Variants in DTD1 observed in about 807,000 individuals in gnomAD.
DTD1 encodes the protein D-tyrosyl-tRNA deacylase 1 homolog.
A neutral mutation model predicts 25.6 loss-of-function variants in DTD1; 13 were observed. The observed-to-expected ratio is 0.51, with a 90% CI of 0.33 to 0.81. The LOEUF (loss-of-function observed/expected upper bound fraction) is 0.81, where lower values mean the gene tolerates loss of function less well. Among genes scored for constraint, DTD1 ranks in the 30% least tolerant of loss-of-function variants. DTD1 has a pLI of 0.02. For synonymous variants in DTD1, 110 were observed against 103.6 expected, an observed-to-expected ratio of 1.06 and a Z score of -0.37; for missense variants, 193 against 266.4, an observed-to-expected ratio of 0.72 and a Z score of 1.92.
At chr20:18,705,630 TCA>T (rs545010530) in intron 4 of DTD1, among the ~76,000 whole-genome samples, 164 of 152,072 alleles carry the variant, frequency 1.1e-3, no homozygotes, top group African/African-American at 3.7e-3. Flanking sequence ...GATGGTGAGC[TCA>T]GAGGCAGAGG....
At chr20:18,752,393 T>C (rs2061324328) in intron 5 of DTD1, among the ~76,000 whole-genome samples, 1 of 152,186 alleles carries the variant, frequency 6.6e-6, no homozygotes, top group Non-Finnish European at 1.5e-5. Context: ...TTTTTCTCTT[T>C]GTTTTTGGTT....
At chr20:18,631,386 G>C in intron 4 of DTD1, 1 of 985,714 alleles carries the variant, frequency 1.0e-6, no homozygotes, top group Non-Finnish European at 1.2e-6. Context: ...AGACTGACCT[G>C]GGCTTTGGAG....
intron 4 of DTD1, among the ~76,000 whole-genome samples, chr20:18,717,943 A>C (rs2061187865): frequency 6.6e-6 from 1 of 152,230 alleles, no homozygotes; most frequent in South Asian, 2.1e-4. Flanking sequence ...CCAGGATTAA[A>C]GATTTAGAAT....
intron 2 of DTD1, 117 bp from the exon 3 acceptor site, chr20:18,595,889 G>A: frequency 1.2e-6 from 1 of 828,900 alleles, no homozygotes; most frequent in Non-Finnish European, 2.0e-6. Flanking sequence ...TCCTGTCAGG[G>A]ATGGAGTCAT....
chr20:18,662,755 T>A (rs2060916230), intron 4 of DTD1, among the ~76,000 whole-genome samples: 1 of 152,184 alleles, frequency 6.6e-6, no homozygotes, highest in Non-Finnish European at 1.5e-5. Flanking sequence ...CCCTCCTTTT[T>A]TTTTTGTTCC....
At chr20:18,746,464 G>A (rs927901575) in intron 5 of DTD1, among the ~76,000 whole-genome samples, 5 of 152,108 alleles carry the variant, frequency 3.3e-5, no homozygotes, top group African/African-American at 1.2e-4. Flanking sequence ...TTGGGAGGTT[G>A]AAGTGAGAGA....
At chr20:18,676,766 A>T (rs556653982) in intron 4 of DTD1, among the ~76,000 whole-genome samples, 2 of 152,248 alleles carry the variant, frequency 1.3e-5, no homozygotes, top group South Asian at 4.1e-4. Context: ...ATCTGTTCTC[A>T]GCTCTGCCGC....
chr20:18,628,988 ATTTTTTTTTTTT>A (rs10594706), intron 4 of DTD1, among the ~76,000 whole-genome samples: 2 of 71,536 alleles, frequency 2.8e-5, no homozygotes, highest in East Asian at 4.2e-4. Flanking sequence ...TCAAAGCCTG[ATTTTTTTTTTTT>A]TTTTTTTTTT....
At chr20:18,668,266 G>C (rs1397531224) in intron 4 of DTD1, among the ~76,000 whole-genome samples, 3 of 152,208 alleles carry the variant, frequency 2.0e-5, no homozygotes, top group African/African-American at 7.2e-5. Context: ...CATGAGTGCT[G>C]AGTGCTACCT....
intron 3 of DTD1, among the ~76,000 whole-genome samples, chr20:18,612,283 C>T (rs1380994178): frequency 6.6e-6 from 1 of 152,074 alleles, no homozygotes; most frequent in African/African-American, 2.4e-5. Context: ...ATCCGCCCGC[C>T]TCGGCCTCCC....
chr20:18,743,749 A>G (rs1346624845), intron 4 of DTD1, among the ~76,000 whole-genome samples: 4 of 152,118 alleles, frequency 2.6e-5, no homozygotes, highest in Non-Finnish European at 4.4e-5. Context: ...GAGAAAAAAA[A>G]CTATCAAAGA....
At chr20:18,756,929 A>G (rs1163509472) in intron 5 of DTD1, among the ~76,000 whole-genome samples, 2 of 147,386 alleles carry the variant, frequency 1.4e-5, no homozygotes, top group African/African-American at 5.0e-5. Context: ...ATTTGTTTTT[A>G]TCCTCTTTTA....
intron 4 of DTD1, among the ~76,000 whole-genome samples, chr20:18,665,059 C>T (rs1030007133): frequency 2.0e-5 from 3 of 152,128 alleles, no homozygotes; most frequent in African/African-American, 7.2e-5. Context: ...TATCTCGGAC[C>T]ATTTTATAAT....
At chr20:18,683,049 A>G (rs2061003460) in intron 4 of DTD1, among the ~76,000 whole-genome samples, 1 of 152,244 alleles carries the variant, frequency 6.6e-6, no homozygotes, top group African/African-American at 2.4e-5. Context: ...TTCTTTAATC[A>G]GAGTTTTCCT....
intron 4 of DTD1, among the ~76,000 whole-genome samples, chr20:18,692,377 CT>C (rs1382449722): frequency 3.3e-5 from 5 of 152,248 alleles, no homozygotes; most frequent in Admixed American, 6.5e-5. Flanking sequence ...CACAAGCTCT[CT>C]GTATCTCTGC....
chr20:18,614,005 C>T (rs975095392), intron 3 of DTD1, among the ~76,000 whole-genome samples: 1 of 152,176 alleles, frequency 6.6e-6, no homozygotes, highest in Non-Finnish European at 1.5e-5. Context: ...ACAGTTTCGC[C>T]ATGTTGCCCA....
intron 4 of DTD1, among the ~76,000 whole-genome samples, chr20:18,633,395 G>A (rs2060795991): frequency 1.3e-5 from 2 of 152,090 alleles, no homozygotes; most frequent in South Asian, 4.1e-4. Context: ...AAGCCCCTTC[G>A]GCTACTCTAC....
At chr20:18,608,488 T>G (rs2060671855) in intron 3 of DTD1, among the ~76,000 whole-genome samples, 1 of 152,244 alleles carries the variant, frequency 6.6e-6, no homozygotes, top group African/African-American at 2.4e-5. Context: ...TTCTGCTTAC[T>G]CTGCATTTAA....
At chr20:18,627,797 C>T (rs1202513405) in intron 3 of DTD1, among the ~76,000 whole-genome samples, 3 of 152,050 alleles carry the variant, frequency 2.0e-5, no homozygotes, top group Middle Eastern at 3.2e-3. Flanking sequence ...ATCATGGGGG[C>T]GGGTCTTTCC....
Sources: gnomAD v4.1 joint callset for allele counts (sites outside exome capture counted in the v4.1 genomes callset) on GRCh38, gnomAD v4.1.1 for gene constraint, MANE v1.5 for transcripts, NCBI Gene and HGNC (gene_info 2026-07-23, HGNC 2026-07-21) for gene names.